Variants in ACSF2 observed in about 807,000 individuals in gnomAD.
ACSF2 encodes medium-chain acyl-CoA ligase ACSF2, mitochondrial.
ACSF2 carries 52 observed loss-of-function variants against 79.3 expected under a neutral mutation model. The observed-to-expected ratio is 0.66, with a 90% CI of 0.53 to 0.83. The LOEUF (loss-of-function observed/expected upper bound fraction) is 0.83. ACSF2 is among the 40% of genes least tolerant of loss of function. The probability of loss-of-function intolerance (pLI) is 0.00; values close to 1 mark genes in which losing one functional copy is unlikely to be tolerated. For synonymous variants in ACSF2, 283 were observed against 312.6 expected (o/e 0.91, Z 1.00); for missense variants, 661 against 803.3 (o/e 0.82, Z 2.14).
At chr17:50,437,758 C>T (rs959713706) in intron 1 of ACSF2, among the ~76,000 whole-genome samples, 2 of 152,090 alleles carry the variant, frequency 1.3e-5, no homozygotes, top group African/African-American at 2.4e-5. Context: ...ATATTGTAGA[C>T]ACCCTTAGTA....
In ACSF2 at chr17:50,463,391, C is replaced by T. The variant is rs375618517; in HGVS notation, c.889-4C>T. Reference sequence around the variant, plus strand: ...CAGACCCAGCCTCCTGTCTCCATCACCAGACACCAGAGCAGTTGCGGATGA... The same window carrying T: ...CAGACCCAGCCTCCTGTCTCCATCATCAGACACCAGAGCAGTTGCGGATGA... On this transcript the variant is annotated splice_polypyrimidine_tract_variant and splice_region_variant and intron_variant, in intron 7 of 15. Coordinates refer to ENST00000300441, the MANE Select transcript of ACSF2 (RefSeq NM_025149.6). This position sits in a 1 kb window ranked among gnomAD's most constrained non-coding sequence, Gnocchi z 4.6. 6 of 1,613,556 alleles carry T rather than the reference C, an allele frequency of 3.7e-6. No homozygotes were observed. In the African/African-American group the frequency reaches 6.7e-5, roughly 18 times the overall value.
chr17:50,433,618 T>C (rs2030140788), intron 1 of ACSF2, among the ~76,000 whole-genome samples: 1 of 152,182 alleles, frequency 6.6e-6, no homozygotes, highest in African/African-American at 2.4e-5. Flanking sequence ...ACCTGCAGCA[T>C]GGATGCCTCC....
chr17:50,461,191 C>A, intron 2 of ACSF2, 51 bp from the exon 3 acceptor site: 1 of 1,611,978 alleles, frequency 6.2e-7, no homozygotes. Context: ...GAGTCTTGGG[C>A]CCCTTCCTGC....
chr17:50,428,692 G>A (rs1321658047), intron 1 of ACSF2, among the ~76,000 whole-genome samples: 1 of 151,972 alleles, frequency 6.6e-6, no homozygotes, highest in African/African-American at 2.4e-5. Context: ...TGAGGCAGGA[G>A]AATTACTTGA....
chr17:50,440,172 C>T (rs2030782081), intron 1 of ACSF2, among the ~76,000 whole-genome samples: 1 of 151,904 alleles, frequency 6.6e-6, no homozygotes, highest in Non-Finnish European at 1.5e-5. Context: ...TGGAACAAAA[C>T]AGGATATTGC....
chr17:50,468,023 C>A, intron 10 of ACSF2: 1 of 1,561,302 alleles, frequency 6.4e-7, no homozygotes, highest in Non-Finnish European at 8.7e-7. Context: ...GGGCAGAGCC[C>A]ACAGCCAGGA....
At chr17:50,452,647 C>T (rs760559335) in intron 1 of ACSF2, among the ~76,000 whole-genome samples, 7 of 150,856 alleles carry the variant, frequency 4.6e-5, no homozygotes, top group South Asian at 2.1e-4. Flanking sequence ...CAAACCTGCA[C>T]GTTCTACACG....
At chr17:50,446,155 TTTTA>T (rs2031284248) in intron 1 of ACSF2, among the ~76,000 whole-genome samples, 2 of 152,244 alleles carry the variant, frequency 1.3e-5, no homozygotes, top group Non-Finnish European at 2.9e-5. Flanking sequence ...TATGTGCTGC[TTTTA>T]TTTTTCTGAC....
chr17:50,465,141 C>A, intron 10 of ACSF2: 1 of 819,974 alleles, frequency 1.2e-6, no homozygotes, highest in East Asian at 2.6e-5. Context: ...CCTTTTCCTC[C>A]CTTCAACAGG....
intron 1 of ACSF2, among the ~76,000 whole-genome samples, chr17:50,441,588 T>C (rs2030925953): frequency 6.6e-6 from 1 of 152,232 alleles, no homozygotes; most frequent in Admixed American, 6.5e-5. Flanking sequence ...TTACATGCTC[T>C]GTGGCTTTGG....
At chr17:50,439,825 C>T (rs1343554842) in intron 1 of ACSF2, among the ~76,000 whole-genome samples, 1 of 152,130 alleles carries the variant, frequency 6.6e-6, no homozygotes, top group East Asian at 1.9e-4. Flanking sequence ...GAGTTTGCCG[C>T]TCTGGTGGGG....
At chr17:50,470,399 TG>T (rs1158745844) in intron 10 of ACSF2, among the ~76,000 whole-genome samples, 4 of 151,552 alleles carry the variant, frequency 2.6e-5, no homozygotes, top group Non-Finnish European at 5.9e-5. Context: ...ATGGGGGAGG[TG>T]GGGTGGGGGT....
At chr17:50,470,122 G>A (rs1185423412) in intron 10 of ACSF2, 1 of 152,784 alleles carries the variant, frequency 6.5e-6, no homozygotes, top group African/African-American at 2.4e-5. Flanking sequence ...TATGGGGGAA[G>A]CTTGGTGCAG....
intron 1 of ACSF2, among the ~76,000 whole-genome samples, chr17:50,429,521 C>CTTT (rs142859188): frequency 1.4e-5 from 2 of 147,258 alleles, no homozygotes; most frequent in African/African-American, 2.5e-5. Context: ...TTCTCTTTTT[C>CTTT]TTTTTTTTTT....
In ACSF2 at chr17:50,463,546, G is replaced by C; in HGVS notation, c.1040G>C (p.Arg347Thr). 6.2e-7 allele frequency: 1 copy of C among 1,614,014 alleles called. No individual in the cohort carries two copies. Among genetic ancestry groups the C allele is most frequent in the Non-Finnish European group, 8.5e-7 (1 of 1,179,994 alleles). ...NGKKALEAIS[R>T]ERGTFLYGTP... ...AAGAAGGCACTGGAGGCCATCAGCAGAGAGAGGTGGGCACTGGTGGACAGG... is the reference window on the plus strand; with the variant it reads ...AAGAAGGCACTGGAGGCCATCAGCACAGAGAGGTGGGCACTGGTGGACAGG... Residue 347 changes from arginine (R) to threonine (T), a missense_variant, in exon 8 of 16, where the codon AGA (arginine) becomes ACA (threonine). Physicochemically the swap from Arg to Thr is moderately conservative, Grantham distance 71 (BLOSUM62 -1). Coordinates refer to ENST00000300441, the MANE Select transcript of ACSF2 (RefSeq NM_025149.6). The surrounding 1 kb of genome is among the most constrained non-coding windows in gnomAD (Gnocchi z 4.6).
At chr17:50,430,880 C>T (rs559418504) in intron 1 of ACSF2, among the ~76,000 whole-genome samples, 2 of 152,168 alleles carry the variant, frequency 1.3e-5, no homozygotes, top group South Asian at 4.1e-4. Context: ...TCTCATGTCT[C>T]TCTGGGCTTG....
At chr17:50,429,150 TG>T (rs1313572776) in intron 1 of ACSF2, among the ~76,000 whole-genome samples, 1 of 152,272 alleles carries the variant, frequency 6.6e-6, no homozygotes, top group Admixed American at 6.5e-5. Flanking sequence ...ATGACAGCCC[TG>T]GGTCCTCTCC....
intron 3 of ACSF2, 76 bp downstream of exon 3, chr17:50,461,446 GC>G (rs2143704033): frequency 6.2e-7 from 1 of 1,604,382 alleles, no homozygotes; most frequent in Non-Finnish European, 8.5e-7. Flanking sequence ...CAGGCCCTCA[GC>G]CCCAGGATCA....
In ACSF2 at chr17:50,471,057, C is replaced by T. The variant is rs2033094402; in HGVS notation, c.1245C>T (p.Pro415=). 2.5e-6 allele frequency: 4 copies of T among 1,614,106 alleles called. No individual in the cohort carries two copies. Among genetic ancestry groups the T allele is most frequent in the South Asian group, 1.1e-5 (1 of 91,058 alleles). The part of the protein sequence containing the change: ...VVAYGTTENS[P]VTFAHFPEDT... ...CTTATGGAACCACAGAGAACAGTCC[C>T]GTGACATTCGCGCACTTCCCTGAGG... The change falls in exon 11 of 16, where the codon CCC becomes CCT. Residue 415 remains proline (P), a synonymous_variant. Coordinates refer to ENST00000300441, the MANE Select transcript of ACSF2 (RefSeq NM_025149.6). This position sits in a 1 kb window ranked among gnomAD's most constrained non-coding sequence, Gnocchi z 4.1.
Sources: allele counts gnomAD v4.1 joint callset (sites outside exome capture counted in the v4.1 genomes callset), GRCh38; gene constraint gnomAD v4.1.1; non-coding constraint Gnocchi (gnomAD v3.1); transcripts MANE v1.5; gene names NCBI Gene and HGNC (gene_info 2026-07-23, HGNC 2026-07-21).